Variants in EBF3 observed in about 807,000 individuals in gnomAD.
EBF3 encodes the protein transcription factor COE3.
A neutral mutation model predicts 77.1 loss-of-function variants in EBF3; 18 were observed. The observed-to-expected ratio is 0.23, with a 90% CI of 0.16 to 0.35. The LOEUF (loss-of-function observed/expected upper bound fraction) is 0.35. EBF3 is among the 10% of genes least tolerant of loss of function. The pLI, the probability that EBF3 is intolerant of heterozygous loss-of-function variation, is 1.00. For missense variants in EBF3, 558 were observed against 860.0 expected (o/e 0.65, Z 4.39); for synonymous variants, 350 against 343.5 (o/e 1.02, Z -0.21).
In EBF3 at chr10:129,952,877, G is replaced by A. The variant is rs774644224; in HGVS notation, c.554+4381C>T. Reference sequence around the variant, plus strand: ...AATACTTGAACAGGTGCAGAAAGGCGCTTTAAATGAGGTAAATGAATAAAA... The same window carrying A: ...AATACTTGAACAGGTGCAGAAAGGCACTTTAAATGAGGTAAATGAATAAAA... On this transcript the variant is annotated intron_variant, in intron 6 of 16. Transcript: ENST00000440978. The surrounding 1 kb of genome is among the most constrained non-coding windows in gnomAD (Gnocchi z 4.7). Among the ~76,000 whole-genome samples the A allele has an allele frequency of 3.3e-5, 5 of 152,076 alleles. No homozygotes were observed. In the South Asian group the frequency reaches 6.2e-4, roughly 19 times the overall value.
At chr10:129,890,442 A>C (rs574382706) in intron 6 of EBF3, among the ~76,000 whole-genome samples, 2 of 152,368 alleles carry the variant, frequency 1.3e-5, no homozygotes, top group South Asian at 4.1e-4. Context: ...GATGTAGCAC[A>C]AAGAGCGCCA....
At chr10:129,896,246 C>G (rs1189619864) in intron 6 of EBF3, among the ~76,000 whole-genome samples, 2 of 152,194 alleles carry the variant, frequency 1.3e-5, no homozygotes, top group Non-Finnish European at 2.9e-5. Flanking sequence ...CCAAAAAAAC[C>G]CAGGCCGGCT....
Position 129,964,179 on chromosome 10 carries a change from G to T in EBF3, c.-411C>A. 1.0e-6 allele frequency: 1 copy of T among 984,856 alleles called. No homozygotes were observed. Among genetic ancestry groups the T allele is most frequent in the Non-Finnish European group, 1.2e-6 (1 of 829,754 alleles). 61.0% of individuals were successfully genotyped at this position (984,856 alleles called of 1,614,324 possible). A position where few individuals can be genotyped will look rare whatever the true frequency, so the allele number is the denominator to read the frequency against. ...AATAAACGGGGCAGTGAGTGCTGCG[G>T]CGCAGTCCCGGGCGCAGGCGGGGCG... On this transcript the variant is annotated 5_prime_UTR_variant, in exon 1 of 17. Coordinates refer to ENST00000440978, the MANE Select transcript of EBF3 (RefSeq NM_001375380.1). This position sits in a 1 kb window ranked among gnomAD's most constrained non-coding sequence, Gnocchi z 4.5.
chr10:129,843,078 C>T (rs1180600461), intron 12 of EBF3, 59 bp downstream of exon 12: 8 of 1,552,566 alleles, frequency 5.2e-6, no homozygotes, highest in Non-Finnish European at 7.0e-6. Flanking sequence ...GCCACGCCGG[C>T]TGCCCACGGG....
chr10:129,904,635 G>GATGA (rs1227733491), intron 6 of EBF3, among the ~76,000 whole-genome samples: 2 of 151,286 alleles, frequency 1.3e-5, no homozygotes. Context: ...CAAATGGATG[G>GATGA]ATGGATGGAT....
chr10:129,837,830 T>G lies in EBF3; in HGVS notation c.*113A>C. On this transcript the variant is annotated 3_prime_UTR_variant, in exon 17 of 17. Transcript: ENST00000440978. ...GCATTTCAATTGCTGCTGATTTTTTTGAAGATACTGTTTCCATCAGCATGT... is the reference window on the plus strand; with the variant it reads ...GCATTTCAATTGCTGCTGATTTTTTGGAAGATACTGTTTCCATCAGCATGT... 1 of 1,406,270 alleles carries G rather than the reference T, an allele frequency of 7.1e-7. No individual in the cohort carries two copies. The highest frequency in any genetic ancestry group is 9.9e-7 in the Non-Finnish European group (1 of 1,011,650). 87.1% of individuals were successfully genotyped at this position (1,406,270 alleles called of 1,614,324 possible).
chr10:129,959,093 G>T, intron 4 of EBF3, 86 bp from the exon 5 acceptor site: 2 of 1,516,182 alleles, frequency 1.3e-6, no homozygotes, highest in Non-Finnish European at 1.8e-6. Flanking sequence ...GGCCTGGCTG[G>T]CAGCAGGTGC....
chr10:129,884,941 C>T lies in EBF3; in HGVS notation c.555-7092G>A, dbSNP rs182642046. 4.9e-3 allele frequency among the ~76,000 whole-genome samples: 750 copies of T among 152,296 alleles called. 2 individuals carry two copies. The highest frequency in any genetic ancestry group is 7.4e-3 in the Non-Finnish European group (502 of 68,016). On this transcript the variant is annotated intron_variant, in intron 6 of 16. Coordinates refer to ENST00000440978, the MANE Select transcript of EBF3 (RefSeq NM_001375380.1). Reference sequence around the variant, plus strand: ...GCATTAACAATATTTGTACTACAATCGCCAAGGGACCCACTTCCCAGATTC... The same window carrying T: ...GCATTAACAATATTTGTACTACAATTGCCAAGGGACCCACTTCCCAGATTC...
intron 6 of EBF3, among the ~76,000 whole-genome samples, chr10:129,915,461 T>TGC (rs1363833330): frequency 2.6e-5 from 3 of 115,956 alleles, no homozygotes; most frequent in East Asian, 2.7e-4. Flanking sequence ...CGCGCACACA[T>TGC]GCACACACAC....
intron 10 of EBF3, among the ~76,000 whole-genome samples, chr10:129,850,203 T>C (rs1850767549): frequency 6.6e-6 from 1 of 152,252 alleles, no homozygotes; most frequent in South Asian, 2.1e-4. Context: ...ACTTAATGAA[T>C]CGGCCTGATG....
In EBF3 at chr10:129,963,683, G is replaced by C. The variant is rs778076484; in HGVS notation, c.86C>G (p.Ser29Trp). The change falls in exon 1 of 17, where the codon TCG becomes TGG. Residue 29 changes from serine to tryptophan, a missense_variant. Ser to Trp is a radical substitution (Grantham distance 177). This residue lies in a region of EBF3 where 64 missense variants were observed against 54.5 expected (regional missense o/e 1.18). Transcript: ENST00000440978. This position sits in a 1 kb window ranked among gnomAD's most constrained non-coding sequence, Gnocchi z 7.1. Reference sequence around the variant, plus strand: ...CACCACGCCCGCCGTGTGCATCCACGAGCGCACCGGGTTCATGCCGCTGCC... The same window carrying C: ...CACCACGCCCGCCGTGTGCATCCACCAGCGCACCGGGTTCATGCCGCTGCC... ...PLGSGMNPVRSWMHTAGVVDA... is the reference protein window; with the variant it reads ...PLGSGMNPVRWWMHTAGVVDA... The C allele has an allele frequency of 6.6e-7, 1 of 1,521,506 alleles. No individual in the cohort carries two copies. Among genetic ancestry groups the C allele is most frequent in the Non-Finnish European group, 8.9e-7 (1 of 1,128,036 alleles). The allele number at this position is 1,521,506 out of a possible 1,614,324, so 94.3% of individuals were successfully genotyped here. A position where few individuals can be genotyped will look rare whatever the true frequency, so the allele number is the denominator to read the frequency against.
chr10:129,912,232 C>A (rs554169056), intron 6 of EBF3, among the ~76,000 whole-genome samples: 3 of 152,140 alleles, frequency 2.0e-5, no homozygotes, highest in Non-Finnish European at 2.9e-5. Context: ...AGCTGGACCC[C>A]GGAACCCTAG....
At chr10:129,923,063 C>T (rs1438578324) in intron 6 of EBF3, among the ~76,000 whole-genome samples, 1 of 152,240 alleles carries the variant, frequency 6.6e-6, no homozygotes, top group East Asian at 1.9e-4. Context: ...AATATCTCCA[C>T]TCTTGCGCCA....
intron 6 of EBF3, among the ~76,000 whole-genome samples, chr10:129,910,127 C>T (rs534601405): frequency 6.6e-6 from 1 of 152,192 alleles, no homozygotes; most frequent in Non-Finnish European, 1.5e-5. Flanking sequence ...GGAGCCCACT[C>T]GGACCGCCGG....
chr10:129,918,265 G>T (rs982295368), intron 6 of EBF3, among the ~76,000 whole-genome samples: 4 of 152,240 alleles, frequency 2.6e-5, no homozygotes, highest in African/African-American at 9.6e-5. Context: ...ACCTAAGCGG[G>T]CAGAGGTGTC....
Position 129,956,495 on chromosome 10 carries a change from G to A in EBF3, c.554+763C>T, listed in dbSNP as rs370213390. 4.5e-4 allele frequency among the ~76,000 whole-genome samples: 68 copies of A among 152,308 alleles called. No individual in the cohort carries two copies. In the East Asian group the frequency reaches 8.3e-3, roughly 19 times the overall value. On this transcript the variant is annotated intron_variant, in intron 6 of 16. Transcript: ENST00000440978. ...CCAGCGAGTTGGGAGAGGGCTGGGC[G>A]AGGAGGGTGGTGGTGTTTTTGTTGC...
rs769074878 is a variant in EBF3, at chr10:129,840,524, C to CG, written c.1562-83dup. 1,005 of 1,457,230 alleles carry CG rather than the reference C, an allele frequency of 6.9e-4. 4 individuals carry two copies. The Middle Eastern group carries it at 9.0e-3, about 13-fold the overall frequency. 90.3% of individuals were successfully genotyped at this position (1,457,230 alleles called of 1,614,324 possible). A position where few individuals can be genotyped will look rare whatever the true frequency, so the allele number is the denominator to read the frequency against. ...AGGGCACCAAAGGCCTCGCCTCGGA[C>CG]GGGGGGGCAGGGGCACGAAAACAAA... On this transcript the variant is annotated intron_variant, in intron 14 of 16. Transcript: ENST00000440978.
Position 129,964,028 on chromosome 10 carries a change from G to C in EBF3, c.-260C>G. On this transcript the variant is annotated 5_prime_UTR_variant, in exon 1 of 17. Transcript: ENST00000440978. This position sits in a 1 kb window ranked among gnomAD's most constrained non-coding sequence, Gnocchi z 4.5. ...AGGAGCAGGACGCGGTGGCCGCGGC[G>C]GCGCTTGTTGTTGTTGTTGTTTGCA... 1.0e-6 allele frequency: 1 copy of C among 985,218 alleles called. No homozygotes were observed. Among genetic ancestry groups the C allele is most frequent in the Non-Finnish European group, 1.2e-6 (1 of 829,864 alleles). The allele number at this position is 985,218 out of a possible 1,614,324, so 61.0% of individuals were successfully genotyped here.
rs1406252070 is a variant in EBF3, at chr10:129,897,488, G to C, written c.555-19639C>G. Among the ~76,000 whole-genome samples, 1 of 152,150 alleles carries C rather than the reference G, an allele frequency of 6.6e-6. No homozygotes were observed. Among genetic ancestry groups the C allele is most frequent in the East Asian group, 1.9e-4 (1 of 5,164 alleles). ...CAGACTGGCTCCCCCTAAATCAAGGGGGGCCAGGCAGACCTAACAAACAGA... is the reference window on the plus strand; with the variant it reads ...CAGACTGGCTCCCCCTAAATCAAGGCGGGCCAGGCAGACCTAACAAACAGA... On this transcript the variant is annotated intron_variant, in intron 6 of 16. Transcript: ENST00000440978. This position sits in a 1 kb window ranked among gnomAD's most constrained non-coding sequence, Gnocchi z 4.6.
Sources: gnomAD v4.1 joint callset for allele counts (sites outside exome capture counted in the v4.1 genomes callset) on GRCh38, gnomAD v4.1.1 for gene constraint, gnomAD v4.1.1 regional missense constraint, Gnocchi (gnomAD v3.1) non-coding constraint, MANE v1.5 for transcripts, NCBI Gene and HGNC (gene_info 2026-07-23, HGNC 2026-07-21) for gene names.